GCSAM: variants seen among roughly 807,000 people sequenced by gnomAD.
GCSAM encodes the protein germinal center associated signaling and motility, also known as germinal center-associated signaling and motility protein.
In GCSAM, 8 loss-of-function variants were observed where a neutral mutation model predicts 17.6. The ratio of observed to expected loss-of-function variants is 0.46; its 90% confidence interval spans 0.27 to 0.82. The LOEUF is 0.82. Among genes scored for constraint, GCSAM ranks in the 40% least tolerant of loss-of-function variants. GCSAM has a pLI of 0.15. For synonymous variants in GCSAM, 68 were observed against 69.0 expected, an observed-to-expected ratio of 0.98 and a Z score of 0.07; for missense variants, 192 against 213.5, an observed-to-expected ratio of 0.90 and a Z score of 0.63.
intron 3 of GCSAM, 135 bp downstream of exon 3, chr3:112,127,882 T>G: frequency 4.4e-6 from 3 of 684,672 alleles, no homozygotes; most frequent in South Asian, 3.5e-5. Flanking sequence ...CTTCCCTGAT[T>G]AACTCTTAGG....
intron 2 of GCSAM, chr3:112,128,359 G>GTT (rs1331057543): frequency 5.5e-6 from 3 of 540,546 alleles, no homozygotes; most frequent in Non-Finnish European, 1.0e-5. Context: ...TGAAGAACAC[G>GTT]TAAGTGTTAT....
rs1471544711 is a variant in GCSAM at position 112,123,642 on chromosome 3, G to A, written c.350C>T (p.Pro117Leu). ...YENVPCKAER[P>L]RESLGGTETE... ...CTCAGTTCCTCCCAAGGACTCTCTG[G>A]GTCTCTCAGCTTTGCAGGGAACATT... The change falls in exon 6 of 6, where the codon CCC becomes CTC. Residue 117 changes from proline to leucine, a missense_variant. Transcript: ENST00000308910. 2 of 1,614,054 alleles carry A rather than the reference G, an allele frequency of 1.2e-6. No individual in the cohort carries two copies. Among genetic ancestry groups the A allele is most frequent in the East Asian group, 2.2e-5 (1 of 44,878 alleles).
intron 5 of GCSAM, 94 bp downstream of exon 5, chr3:112,125,132 C>T: frequency 1.2e-6 from 1 of 835,636 alleles, no homozygotes; most frequent in Non-Finnish European, 2.1e-6. Context: ...ATGTAAGGGT[C>T]AGAAGGGATC....
rs561200550 is a variant in GCSAM, at chr3:112,127,917, G to C, written c.143+100C>G. On this transcript the variant is annotated intron_variant, in intron 3 of 5. Transcript: ENST00000308910. Reference sequence around the variant, plus strand: ...GTGATTGTATCTGGGCTACTGACAGGCTTCCACTGTGGCCACAGACAGTCA... The same window carrying C: ...GTGATTGTATCTGGGCTACTGACAGCCTTCCACTGTGGCCACAGACAGTCA... 4.2e-4 allele frequency: 387 copies of C among 931,700 alleles called. 3 individuals carry two copies. The South Asian group carries it at 4.4e-3, about 11-fold the overall frequency. 57.7% of individuals were successfully genotyped at this position (931,700 alleles called of 1,614,324 possible). A position where few individuals can be genotyped will look rare whatever the true frequency, so the allele number is the denominator to read the frequency against.
chr3:112,127,232 TTCTC>T (rs1429597094), intron 3 of GCSAM, among the ~76,000 whole-genome samples, 199 bp from the exon 4 acceptor site: 2 of 152,194 alleles, frequency 1.3e-5, no homozygotes, highest in Admixed American at 6.5e-5. Flanking sequence ...TTGTGCCTCT[TTCTC>T]TCTCTCCTCC....
chr3:112,127,871 G>A, intron 3 of GCSAM, 146 bp downstream of exon 3: 1 of 657,468 alleles, frequency 1.5e-6, no homozygotes, highest in Non-Finnish European at 2.8e-6. Context: ...TGGAAGGATT[G>A]CTTCCCTGAT....
chr3:112,133,001 G>A (rs1225536694), intron 1 of GCSAM, 91 bp downstream of exon 1: 3 of 1,321,744 alleles, frequency 2.3e-6, no homozygotes, highest in South Asian at 1.3e-5. Flanking sequence ...CCAACTTAGT[G>A]TGCTAACTGT....
chr3:112,127,396 A>G (rs930440053), intron 3 of GCSAM, among the ~76,000 whole-genome samples: 21 of 150,170 alleles, frequency 1.4e-4, no homozygotes, highest in Non-Finnish European at 2.2e-4. Flanking sequence ...TTTCAATCTC[A>G]ATTCTAATCT....
chr3:112,123,587 A>G lies in GCSAM; in HGVS notation c.405T>C (p.Ser135=). Residue 135 remains serine, a synonymous_variant, in exon 6 of 6, where the codon TCT becomes TCC. Coordinates refer to ENST00000308910, the MANE Select transcript of GCSAM (RefSeq NM_152785.5). ...GGGATCGGGCATGCCTGGGGTCTGT[A>G]GAAGGCATATGTAGAAGTGAATACT... ...ETEYSLLHMP[S]TDPRHARSPE... is the part of the protein sequence containing the mutation. The G allele has an allele frequency of 6.2e-7, 1 of 1,614,090 alleles. No individual in the cohort carries two copies. Among genetic ancestry groups the G allele is most frequent in the East Asian group, 2.2e-5 (1 of 44,882 alleles).
rs754475803 is a variant in GCSAM, at chr3:112,123,447, C to T, written c.*8G>A. 1.2e-6 allele frequency: 2 copies of T among 1,612,262 alleles called. No individual in the cohort carries two copies. The highest frequency in any genetic ancestry group is 1.7e-6 in the Non-Finnish European group (2 of 1,179,032). On this transcript the variant is annotated 3_prime_UTR_variant, in exon 6 of 6. Coordinates refer to ENST00000308910, the MANE Select transcript of GCSAM (RefSeq NM_152785.5). The stretch of plus-strand genomic sequence containing the variant: ...TGGTGCTAAACAAATGCTAGTCCAG[C>T]CACTTCACTATAAATGGGAAAACTG...
In GCSAM at chr3:112,128,037, T is replaced by G. The variant is rs2074369036; in HGVS notation, c.123A>C (p.Glu41Asp). Residue 41 changes from glutamate to aspartate, a missense_variant, in exon 3 of 6, where the codon GAA (glutamate) becomes GAC (aspartate). Physicochemically the swap from Glu to Asp is conservative, Grantham distance 45. Transcript: ENST00000308910. ...TSRCWDHHIA[E>D]GCFCLPWKKI... is the part of the protein sequence containing the mutation. ...CTCACCATGGAAGGCAGAAACACCC[T>G]TCAGCGATATGGTGATCCCAGCATC... 6.2e-7 allele frequency: 1 copy of G among 1,613,706 alleles called. No homozygotes were observed.
At chr3:112,127,496 T>A (rs1196645169) in intron 3 of GCSAM, among the ~76,000 whole-genome samples, 2 of 152,174 alleles carry the variant, frequency 1.3e-5, no homozygotes, top group African/African-American at 4.8e-5. Flanking sequence ...GATATAAATA[T>A]AATGGAAGCC....
chr3:112,127,568 T>A (rs569126199), intron 3 of GCSAM, among the ~76,000 whole-genome samples: 2 of 152,368 alleles, frequency 1.3e-5, no homozygotes, highest in South Asian at 4.1e-4. Flanking sequence ...CTGGTTTGCC[T>A]CAGTCTGGTG....
chr3:112,128,096 T>C (rs1258277038), intron 2 of GCSAM, 35 bp from the exon 3 acceptor site: 3 of 1,593,986 alleles, frequency 1.9e-6, no homozygotes, highest in East Asian at 4.5e-5. Flanking sequence ...AATCATAAGG[T>C]TGATTTCTGC....
chr3:112,123,600 A>T lies in GCSAM; in HGVS notation c.392T>A (p.Leu131Gln), dbSNP rs377156839. Residue 131 changes from leucine to glutamine, a missense_variant, in exon 6 of 6, where the codon CTA becomes CAA. Coordinates refer to ENST00000308910, the MANE Select transcript of GCSAM (RefSeq NM_152785.5). ...LGGTETEYSL[L>Q]HMPSTDPRHA... ...CCTGGGGTCTGTAGAAGGCATATGT[A>T]GAAGTGAATACTCAGTCTCAGTTCC... is the stretch of plus-strand genomic sequence containing the variant. 1.6e-5 allele frequency: 26 copies of T among 1,614,022 alleles called. No homozygotes were observed. The African/African-American group carries it at 2.9e-4, about 18-fold the overall frequency.
At chr3:112,127,938 A>G in intron 3 of GCSAM, 79 bp downstream of exon 3, 1 of 1,191,576 alleles carries the variant, frequency 8.4e-7, no homozygotes. Flanking sequence ...GGCCACAGAC[A>G]GTCACAGGTA....
intron 3 of GCSAM, 30 bp from the exon 4 acceptor site, chr3:112,127,063 T>C (rs1188252080): frequency 3.5e-6 from 5 of 1,425,484 alleles, no homozygotes; most frequent in Middle Eastern, 1.8e-4. Context: ...CAAATTGTTT[T>C]AATATTCAGA....
Position 112,132,299 on chromosome 3 carries a change from G to A in GCSAM, c.29+793C>T, listed in dbSNP as rs535538716. Among the ~76,000 whole-genome samples the A allele has an allele frequency of 2.6e-5, 4 of 152,182 alleles. No homozygotes were observed. In the South Asian group the frequency reaches 8.3e-4, roughly 32 times the overall value. On this transcript the variant is annotated intron_variant, in intron 1 of 5. Coordinates refer to ENST00000308910, the MANE Select transcript of GCSAM (RefSeq NM_152785.5). Reference sequence around the variant, plus strand: ...TCCACTCTCCAGTAGCATGAACTGAGACCAGGGATTCCAAACATAACCCTG... The same window carrying A: ...TCCACTCTCCAGTAGCATGAACTGAAACCAGGGATTCCAAACATAACCCTG...
In GCSAM at chr3:112,123,528, C is replaced by T; in HGVS notation, c.464G>A (p.Arg155Lys). The stretch of plus-strand genomic sequence containing the variant: ...CTGTTGCAGAAAGTGAGAGGAGATT[C>T]TGTGAGGCATGAGAAGTTCATATTC... ...EDEYELLMPH[R>K]ISSHFLQQPR... The change falls in exon 6 of 6, where the codon AGA becomes AAA. Residue 155 changes from arginine (R) to lysine (K), a missense_variant. Physicochemically the swap from Arg to Lys is conservative, Grantham distance 26 (BLOSUM62 2). Coordinates refer to ENST00000308910, the MANE Select transcript of GCSAM (RefSeq NM_152785.5). 1 of 1,614,148 alleles carries T rather than the reference C, an allele frequency of 6.2e-7. No individual in the cohort carries two copies. The highest frequency in any genetic ancestry group is 8.5e-7 in the Non-Finnish European group (1 of 1,180,008).
Sources: allele counts gnomAD v4.1 joint callset (sites outside exome capture counted in the v4.1 genomes callset), GRCh38; gene constraint gnomAD v4.1.1; transcripts MANE v1.5; gene names NCBI Gene and HGNC (gene_info 2026-07-23, HGNC 2026-07-21).